The following TRIM14 variants were observed in gnomAD, a reference collection of about 807,000 sequenced individuals.
The protein encoded by TRIM14 is tripartite motif containing 14.
Under a neutral mutation model 44.5 loss-of-function variants are expected in TRIM14, and 28 were observed. The observed-to-expected ratio is 0.63, with a 90% CI of 0.47 to 0.86. The LOEUF is 0.86. Among genes scored for constraint, TRIM14 ranks in the 40% least tolerant of loss-of-function variants. TRIM14 has a pLI of 0.00. For missense variants in TRIM14, 607 were observed against 611.1 expected (o/e 0.99, Z 0.07); for synonymous variants, 299 against 269.2 (o/e 1.11, Z -1.08).
intron 4 of TRIM14, 86 bp downstream of exon 4, chr9:98,094,781 T>G (rs1826120811): frequency 6.9e-6 from 10 of 1,459,514 alleles, no homozygotes; most frequent in Non-Finnish European, 8.5e-6. Context: ...AGAGACAGGA[T>G]GTAGGGAGAT....
At position 98,103,211 on chromosome 9, in the gene TRIM14, C is replaced by A. The variant is rs1301947844; in HGVS notation, c.304-3047G>T. ...AAAAACAAACAACAACAACAAAAAACAATGCAGTAGACCTATATGTCCTGG... is the reference window on the plus strand; with the variant it reads ...AAAAACAAACAACAACAACAAAAAAAAATGCAGTAGACCTATATGTCCTGG... On this transcript the variant is annotated intron_variant, in intron 2 of 5. Transcript: ENST00000341469. Among the ~76,000 whole-genome samples, 3 of 149,518 alleles carry A rather than the reference C, an allele frequency of 2.0e-5. 1 individual carries two copies. Among genetic ancestry groups the A allele is most frequent in the Non-Finnish European group, 4.4e-5 (3 of 67,458 alleles).
At chr9:98,081,321 G>T, downstream of TRIM14, 1 of 567,236 alleles carries the variant, frequency 1.8e-6, no homozygotes, top group Non-Finnish European at 3.1e-6. Flanking sequence ...GGCCACCTAG[G>T]GTCACATTAG....
At chr9:98,113,856 A>G (rs1012401745) in intron 1 of TRIM14, among the ~76,000 whole-genome samples, 1 of 151,972 alleles carries the variant, frequency 6.6e-6, no homozygotes, top group African/African-American at 2.4e-5. Context: ...GAAATCTTTG[A>G]ATAATCATTT....
the TRIM14 span, among the ~76,000 whole-genome samples, chr9:98,051,590 ACT>A: frequency 6.6e-6 from 1 of 152,154 alleles, no homozygotes; most frequent in Non-Finnish European, 1.5e-5. Context: ...TAGAAAAAGG[ACT>A]TAACAAATGA....
At chr9:98,106,047 C>T (rs1826599154) in intron 2 of TRIM14, among the ~76,000 whole-genome samples, 1 of 152,152 alleles carries the variant, frequency 6.6e-6, no homozygotes, top group South Asian at 2.1e-4. Flanking sequence ...GCTACTGAAA[C>T]TCTTAGCATC....
At chr9:98,039,396 T>C in the TRIM14 span, among the ~76,000 whole-genome samples, 1 of 152,222 alleles carries the variant, frequency 6.6e-6, no homozygotes, top group Admixed American at 6.5e-5. Flanking sequence ...TGTTCATTCC[T>C]GGGCGTAGGC....
At chr9:98,078,519 A>C (rs1829696856) in intron 6 of TRIM14, among the ~76,000 whole-genome samples, 1 of 152,076 alleles carries the variant, frequency 6.6e-6, no homozygotes, top group Admixed American at 6.6e-5. Flanking sequence ...AAGCACATAC[A>C]TTCTAAAGAG....
chr9:98,090,414 C>T (rs986441456), intron 5 of TRIM14, among the ~76,000 whole-genome samples: 2 of 152,128 alleles, frequency 1.3e-5, no homozygotes, highest in African/African-American at 2.4e-5. Context: ...AGTGGATCCC[C>T]TTTGGGGATA....
chr9:98,056,032 G>T, the TRIM14 span, among the ~76,000 whole-genome samples: 13 of 152,188 alleles, frequency 8.5e-5, no homozygotes, highest in African/African-American at 2.9e-4. Flanking sequence ...GAGCCACCGC[G>T]CCCGCCCAGG....
rs1825842300 is a variant in TRIM14, at chr9:98,087,790, C to T, written c.1009G>A (p.Val337Met). ...DVQEAGAGWWVGAAYASLRRR... is the reference protein window; with the variant it reads ...DVQEAGAGWWMGAAYASLRRR... ...CGAAGGGAGGCGTAGGCCGCGCCCA[C>T]CCACCAGCCGGCGCCCGCCTCCTGC... is the stretch of plus-strand genomic sequence containing the variant. The change falls in exon 6 of 6, where the codon GTG (valine) becomes ATG (methionine). Residue 337 changes from valine (V) to methionine (M), a missense_variant. Coordinates refer to ENST00000341469, the MANE Select transcript of TRIM14 (RefSeq NM_014788.4). The T allele has an allele frequency of 6.7e-7, 1 of 1,502,994 alleles. No individual in the cohort carries two copies. The highest frequency in any genetic ancestry group is 8.8e-7 in the Non-Finnish European group (1 of 1,137,280). The allele number at this position is 1,502,994 out of a possible 1,614,324, so 93.1% of individuals were successfully genotyped here. A position where few individuals can be genotyped will look rare whatever the true frequency, so the allele number is the denominator to read the frequency against.
At position 98,117,332 on chromosome 9, in the gene TRIM14, C is replaced by G. The variant is rs1178509425; in HGVS notation, c.207+1650G>C. ...TATTTATTTAAGACAAAGTCTCACTCTGTCATCCAGGCTGGAGTGCGGTGG... is the reference window on the plus strand; with the variant it reads ...TATTTATTTAAGACAAAGTCTCACTGTGTCATCCAGGCTGGAGTGCGGTGG... On this transcript the variant is annotated intron_variant, in intron 1 of 5. Coordinates refer to ENST00000341469, the MANE Select transcript of TRIM14 (RefSeq NM_014788.4). 3.3e-5 allele frequency among the ~76,000 whole-genome samples: 5 copies of G among 152,108 alleles called. No individual in the cohort carries two copies. The East Asian group carries it at 9.6e-4, about 29-fold the overall frequency.
chr9:98,087,975 G>T lies in TRIM14; in HGVS notation c.824C>A (p.Thr275Lys). 3 of 1,558,696 alleles carry T rather than the reference G, an allele frequency of 1.9e-6. No individual in the cohort carries two copies. The highest frequency in any genetic ancestry group is 2.5e-5 in the East Asian group (1 of 40,236). The change falls in exon 6 of 6, where the codon ACG becomes AAG. Residue 275 changes from threonine (T) to lysine (K), a missense_variant. This residue lies in a region of TRIM14 where 356 missense variants were observed against 323.0 expected (regional missense o/e 1.10). Transcript: ENST00000341469. ...GGACAGGCGCAGGCGCGCGTGCATC[G>T]TGTCAGGATCCAGCGTGGGCGTGCG... Reference protein sequence around the residue: ...YARTPTLDPDTMHARLRLSAD... With the variant: ...YARTPTLDPDKMHARLRLSAD...
chr9:98,065,531 G>T (rs1230479451), downstream of TRIM14, among the ~76,000 whole-genome samples: 2 of 134,526 alleles, frequency 1.5e-5, no homozygotes, highest in East Asian at 4.1e-4. Flanking sequence ...TAGAGACGGG[G>T]TTTCACCATG....
intron 2 of TRIM14, among the ~76,000 whole-genome samples, chr9:98,104,674 G>A (rs546036461): frequency 6.0e-4 from 91 of 152,308 alleles, no homozygotes; most frequent in African/African-American, 2.2e-3. Context: ...AAGAGAGCTG[G>A]TGGCTGGGTG....
chr9:98,040,398 G>T, the TRIM14 span, among the ~76,000 whole-genome samples: 1 of 151,960 alleles, frequency 6.6e-6, no homozygotes, highest in African/African-American at 2.4e-5. Context: ...TGGACTGCTC[G>T]GGGCCTTTGA....
intron 3 of TRIM14, among the ~76,000 whole-genome samples, chr9:98,096,020 G>A (rs1200407098): frequency 2.0e-5 from 3 of 152,214 alleles, no homozygotes; most frequent in Non-Finnish European, 4.4e-5. Context: ...AACCATGGCT[G>A]CATTTTCTGA....
intron 3 of TRIM14, among the ~76,000 whole-genome samples, chr9:98,098,008 CAA>C (rs1423193033): frequency 6.6e-6 from 1 of 152,186 alleles, no homozygotes; most frequent in Non-Finnish European, 1.5e-5. Context: ...CATAAAGACA[CAA>C]GAGTGGAAAT....
chr9:98,057,747 G>GAGATAGCTCACCCCA, the TRIM14 span, among the ~76,000 whole-genome samples: 4 of 152,034 alleles, frequency 2.6e-5, no homozygotes, highest in African/African-American at 9.7e-5. Context: ...CTTTGGTTTA[G>GAGATAGCTCACCCCA]AGATAGCTCA....
chr9:98,118,716 T>TA (rs1160316308), intron 1 of TRIM14, among the ~76,000 whole-genome samples: 1 of 152,148 alleles, frequency 6.6e-6, no homozygotes, highest in Non-Finnish European at 1.5e-5. Flanking sequence ...GACATCTGGG[T>TA]ACCAGCCTGG....
Sources: gnomAD v4.1 joint callset for allele counts (sites outside exome capture counted in the v4.1 genomes callset) on GRCh38, gnomAD v4.1.1 for gene constraint, gnomAD v4.1.1 regional missense constraint, MANE v1.5 for transcripts, NCBI Gene and HGNC (gene_info 2026-07-23, HGNC 2026-07-21) for gene names.